ZNF804B: variants seen among roughly 807,000 people sequenced by gnomAD.
ZNF804B encodes the protein zinc finger protein 804B, also known as zinc finger 804B.
Under a neutral mutation model 101.4 loss-of-function variants are expected in ZNF804B, and 80 were observed. The ratio of observed to expected loss-of-function variants is 0.79; its 90% CI spans 0.66 to 0.95. The LOEUF (loss-of-function observed/expected upper bound fraction) is 0.95, where lower values mean the gene tolerates loss of function less well. ZNF804B is among the 40% of genes least tolerant of loss of function. The probability of loss-of-function intolerance (pLI) is 0.00; values close to 1 mark genes in which losing one functional copy is unlikely to be tolerated. For synonymous variants in ZNF804B, 622 were observed against 558.8 expected (o/e 1.11, Z -1.59); for missense variants, 1,673 against 1,561.9 (o/e 1.07, Z -1.20).
At chr7:89,165,291 G>T (rs1047123047) in intron 1 of ZNF804B, among the ~76,000 whole-genome samples, 7 of 152,052 alleles carry the variant, frequency 4.6e-5, no homozygotes, top group African/African-American at 1.2e-4. Context: ...GATGAGACAT[G>T]AACTATACAG....
chr7:89,179,749 T>A (rs1030051156), intron 1 of ZNF804B, among the ~76,000 whole-genome samples: 17 of 152,172 alleles, frequency 1.1e-4, no homozygotes, highest in Non-Finnish European at 2.1e-4. Flanking sequence ...GTTGTCCTCA[T>A]CACAGTCTGG....
At chr7:88,897,276 G>A (rs1792305221) in intron 1 of ZNF804B, among the ~76,000 whole-genome samples, 1 of 152,146 alleles carries the variant, frequency 6.6e-6, no homozygotes. Context: ...GGGATGCAGA[G>A]GGAATGGGAA....
chr7:88,938,065 A>G (rs748590652), intron 1 of ZNF804B, among the ~76,000 whole-genome samples: 5 of 152,020 alleles, frequency 3.3e-5, no homozygotes, highest in African/African-American at 4.8e-5. Flanking sequence ...CACTTAAGAA[A>G]TATATTGGTT....
chr7:88,873,868 T>C (rs1003889709), intron 1 of ZNF804B, among the ~76,000 whole-genome samples: 1 of 152,194 alleles, frequency 6.6e-6, no homozygotes, highest in African/African-American at 2.4e-5. Context: ...TTTTGGTTAC[T>C]GTAGCCTTGT....
intron 1 of ZNF804B, among the ~76,000 whole-genome samples, chr7:88,914,838 A>G (rs1039066203): frequency 2.0e-5 from 3 of 152,166 alleles, no homozygotes; most frequent in Admixed American, 6.6e-5. Flanking sequence ...TTATTAAGCA[A>G]TTTGTGTTGA....
At chr7:88,836,629 T>C (rs1791218721) in intron 1 of ZNF804B, among the ~76,000 whole-genome samples, 1 of 151,906 alleles carries the variant, frequency 6.6e-6, no homozygotes, top group African/African-American at 2.4e-5. Flanking sequence ...TAAAAATGTA[T>C]AAATGCACAA....
intron 1 of ZNF804B, among the ~76,000 whole-genome samples, chr7:89,159,335 G>A (rs1302053509): frequency 6.6e-6 from 1 of 152,150 alleles, no homozygotes; most frequent in Non-Finnish European, 1.5e-5. Context: ...CCTCTGTAGT[G>A]TTAAAGAGAC....
intron 1 of ZNF804B, among the ~76,000 whole-genome samples, chr7:89,015,380 C>A (rs1319982472): frequency 6.6e-6 from 1 of 151,342 alleles, no homozygotes; most frequent in African/African-American, 2.4e-5. Flanking sequence ...TACATGGGCA[C>A]AATGTGCAGG....
At chr7:88,890,736 T>G (rs1442055833) in intron 1 of ZNF804B, among the ~76,000 whole-genome samples, 1 of 152,196 alleles carries the variant, frequency 6.6e-6, no homozygotes, top group Non-Finnish European at 1.5e-5. Flanking sequence ...AACTGCATGT[T>G]CTTAATTTTC....
chr7:89,150,387 C>T (rs180689753), intron 1 of ZNF804B, among the ~76,000 whole-genome samples: 3 of 152,202 alleles, frequency 2.0e-5, no homozygotes, highest in East Asian at 3.9e-4. Flanking sequence ...TGTATATGCA[C>T]ACGCATTATT....
chr7:89,326,544 AT>A (rs1790898536), intron 2 of ZNF804B, among the ~76,000 whole-genome samples: 1 of 152,088 alleles, frequency 6.6e-6, no homozygotes, highest in African/African-American at 2.4e-5. Flanking sequence ...AGTTAAGAGG[AT>A]AATCTTTAAA....
At chr7:89,269,318 G>T (rs560946995) in intron 2 of ZNF804B, among the ~76,000 whole-genome samples, 3 of 151,970 alleles carry the variant, frequency 2.0e-5, no homozygotes, top group Admixed American at 2.0e-4. Flanking sequence ...GTTGTGTTTG[G>T]TTTTTTGTCC....
chr7:89,155,897 C>CTTCT (rs372413958), intron 1 of ZNF804B, among the ~76,000 whole-genome samples: 4 of 151,622 alleles, frequency 2.6e-5, no homozygotes, highest in Admixed American at 6.6e-5. Context: ...CTCTCTCTTT[C>CTTCT]TTCTTTCTTT....
chr7:89,255,174 G>T (rs572357500), intron 2 of ZNF804B, among the ~76,000 whole-genome samples: 78 of 152,244 alleles, frequency 5.1e-4, no homozygotes, highest in South Asian at 2.1e-3. Context: ...TGGCAGAACA[G>T]AGTGAGTGCA....
intron 1 of ZNF804B, among the ~76,000 whole-genome samples, chr7:89,129,226 G>C (rs117763998): frequency 6.6e-6 from 1 of 152,042 alleles, no homozygotes; most frequent in South Asian, 2.1e-4. Flanking sequence ...TATGGAAAGA[G>C]ATCCACCTTA....
intron 1 of ZNF804B, among the ~76,000 whole-genome samples, chr7:89,195,808 T>TA (rs372424614): frequency 3.3e-5 from 5 of 151,410 alleles, no homozygotes; most frequent in South Asian, 2.1e-4. Flanking sequence ...CACAATTGCT[T>TA]AAAAAAAAGA....
chr7:89,127,023 C>T (rs1396286244), intron 1 of ZNF804B, among the ~76,000 whole-genome samples: 5 of 150,772 alleles, frequency 3.3e-5, no homozygotes, highest in African/African-American at 4.9e-5. Flanking sequence ...AGACAAAGAA[C>T]TTTAATAATG....
chr7:88,795,515 A>G (rs987409958), intron 1 of ZNF804B: 1 of 151,970 alleles, frequency 6.6e-6, no homozygotes, highest in African/African-American at 2.4e-5. Context: ...GAAATGATTC[A>G]TTTCTCCCCC....
intron 1 of ZNF804B, among the ~76,000 whole-genome samples, chr7:88,807,508 G>A (rs563998748): frequency 6.6e-6 from 1 of 152,284 alleles, no homozygotes; most frequent in South Asian, 2.1e-4. Context: ...TAAGAGGAGA[G>A]AATGTTGCTG....
Sources: allele counts gnomAD v4.1 joint callset (sites outside exome capture counted in the v4.1 genomes callset), GRCh38; gene constraint gnomAD v4.1.1; transcripts MANE v1.5; gene names NCBI Gene and HGNC (gene_info 2026-07-23, HGNC 2026-07-21).